The following EPHA6 variants were observed in gnomAD, a reference collection of about 807,000 sequenced individuals.
The protein encoded by EPHA6 is ephrin type-A receptor 6.
EPHA6 carries 50 observed loss-of-function variants against 112.0 expected under a neutral mutation model. The ratio of observed to expected loss-of-function variants is 0.45; its 90% CI spans 0.36 to 0.56. The LOEUF (loss-of-function observed/expected upper bound fraction) is 0.56. Ranked by LOEUF, EPHA6 falls within the 20% of genes least tolerant of loss-of-function variation. The probability of loss-of-function intolerance (pLI) is 0.00; values close to 1 mark genes in which losing one functional copy is unlikely to be tolerated. For synonymous variants in EPHA6, 529 were observed against 490.7 expected (o/e 1.08, Z -1.03); for missense variants, 1,280 against 1,417.4 (o/e 0.90, Z 1.56).
At chr3:96,933,953 T>C (rs1482172505) in intron 2 of EPHA6, among the ~76,000 whole-genome samples, 1 of 152,036 alleles carries the variant, frequency 6.6e-6, no homozygotes, top group Non-Finnish European at 1.5e-5. Flanking sequence ...TCAATTTTTA[T>C]AACAATTGAT....
At chr3:97,676,007 A>G (rs1477005708) in intron 14 of EPHA6, among the ~76,000 whole-genome samples, 1 of 152,156 alleles carries the variant, frequency 6.6e-6, no homozygotes, top group East Asian at 1.9e-4. Context: ...GGAAGAATGC[A>G]GGGAGGAGCA....
At chr3:97,439,549 GCCAAC>G (rs2090028933) in intron 6 of EPHA6, 9 of 812,948 alleles carry the variant, frequency 1.1e-5, no homozygotes, top group Admixed American at 6.1e-5. Context: ...TCTGTTGGTT[GCCAAC>G]AACAGAACCC....
intron 11 of EPHA6, among the ~76,000 whole-genome samples, chr3:97,574,164 A>G (rs917245506): frequency 6.6e-6 from 1 of 152,138 alleles, no homozygotes; most frequent in African/African-American, 2.4e-5. Context: ...TCTTGGAGAA[A>G]TCTAAATTTT....
rs769181889 is a variant in EPHA6, at chr3:97,187,939, A to T, written c.1115-38325A>T. On this transcript the variant is annotated intron_variant, in intron 3 of 17. Coordinates refer to ENST00000389672, the MANE Select transcript of EPHA6 (RefSeq NM_001080448.3). ...AAATATAAGAGGAATGCAAATTAAA[A>T]CAAGAATGAGACACCATTTGACACA... is the stretch of plus-strand genomic sequence containing the variant. Among the ~76,000 whole-genome samples the T allele has an allele frequency of 1.2e-4, 19 of 152,112 alleles. 1 individual carries two copies. The highest frequency in any genetic ancestry group is 2.2e-4 in the Non-Finnish European group (15 of 67,996).
intron 14 of EPHA6, among the ~76,000 whole-genome samples, chr3:97,701,902 A>T (rs2033416110): frequency 6.6e-6 from 1 of 152,194 alleles, no homozygotes; most frequent in African/African-American, 2.4e-5. Flanking sequence ...TTATAAATTG[A>T]GTGCCAAGTT....
rs148279577 is a variant in EPHA6 at position 96,968,388 on chromosome 3, G to GCACA, written c.451-18917_451-18914dup. On this transcript the variant is annotated intron_variant, in intron 2 of 17. Transcript: ENST00000389672. ...AACTACCATAGAGAAAATGGTAAAA[G>GCACA]CACACACACACACACACACACACAC... Among the ~76,000 whole-genome samples the GCACA allele has an allele frequency of 2.3e-3, 325 of 143,598 alleles. 1 individual carries two copies. The highest frequency in any genetic ancestry group is 0.012 in the South Asian group (52 of 4,416). 94.2% of individuals were successfully genotyped at this position (143,598 alleles called of 152,430 possible).
At chr3:97,643,030 G>A (rs998828508) in intron 14 of EPHA6, among the ~76,000 whole-genome samples, 2 of 152,048 alleles carry the variant, frequency 1.3e-5, no homozygotes, top group African/African-American at 4.8e-5. Context: ...AATGTTAAGG[G>A]CAGCCAGAGA....
chr3:97,213,288 A>G (rs2077931301), intron 3 of EPHA6, among the ~76,000 whole-genome samples: 1 of 152,178 alleles, frequency 6.6e-6, no homozygotes, highest in African/African-American at 2.4e-5. Flanking sequence ...GGACAGAGAG[A>G]AAAAGAAACA....
chr3:97,011,071 A>C (rs2044068959), intron 3 of EPHA6, among the ~76,000 whole-genome samples: 1 of 152,156 alleles, frequency 6.6e-6, no homozygotes, highest in South Asian at 2.1e-4. Flanking sequence ...TGCCACCTGA[A>C]AAGACAAACA....
intron 3 of EPHA6, among the ~76,000 whole-genome samples, chr3:97,029,497 G>A (rs1260854247): frequency 2.6e-5 from 4 of 151,778 alleles, no homozygotes; most frequent in Non-Finnish European, 5.9e-5. Context: ...ACATACTGAA[G>A]CACAAAATAA....
At chr3:97,431,667 TTGG>T (rs2089516423) in intron 6 of EPHA6, among the ~76,000 whole-genome samples, 1 of 152,148 alleles carries the variant, frequency 6.6e-6, no homozygotes, top group Non-Finnish European at 1.5e-5. Flanking sequence ...CCACAACTCC[TTGG>T]TAATTTTCCT....
chr3:96,910,480 A>G (rs781033788), intron 2 of EPHA6, among the ~76,000 whole-genome samples: 2 of 152,038 alleles, frequency 1.3e-5, no homozygotes, highest in Non-Finnish European at 2.9e-5. Context: ...CTCTTGGATC[A>G]AAATTCAAAG....
intron 6 of EPHA6, among the ~76,000 whole-genome samples, chr3:97,407,915 T>A (rs1027543010): frequency 6.6e-6 from 1 of 152,034 alleles, no homozygotes; most frequent in Non-Finnish European, 1.5e-5. Flanking sequence ...GTTTGTTTTG[T>A]GATGCTATAA....
intron 2 of EPHA6, among the ~76,000 whole-genome samples, chr3:96,982,630 G>T (rs1576242918): frequency 1.3e-5 from 2 of 152,228 alleles, no homozygotes; most frequent in South Asian, 2.1e-4. Context: ...CTGTCTCATT[G>T]ATCTGTCTAA....
chr3:97,613,951 C>A (rs2093741734), intron 13 of EPHA6, among the ~76,000 whole-genome samples: 1 of 152,154 alleles, frequency 6.6e-6, no homozygotes, highest in Non-Finnish European at 1.5e-5. Flanking sequence ...ATTTGGATTT[C>A]ATAAATACTT....
chr3:97,052,153 C>T (rs2045702750), intron 3 of EPHA6, among the ~76,000 whole-genome samples: 1 of 152,050 alleles, frequency 6.6e-6, no homozygotes, highest in African/African-American at 2.4e-5. Context: ...GGGATTTGAA[C>T]CCAAGCATTC....
At chr3:97,649,705 C>T (rs1038898077) in intron 14 of EPHA6, among the ~76,000 whole-genome samples, 30 of 151,388 alleles carry the variant, frequency 2.0e-4, no homozygotes, top group African/African-American at 7.0e-4. Flanking sequence ...CTGGATAAAC[C>T]AAATTCATCT....
chr3:97,591,958 A>G (rs954982097), intron 11 of EPHA6, among the ~76,000 whole-genome samples: 1 of 152,166 alleles, frequency 6.6e-6, no homozygotes, highest in Non-Finnish European at 1.5e-5. Flanking sequence ...ATGATTCATT[A>G]TATAATTTTA....
intron 3 of EPHA6, among the ~76,000 whole-genome samples, chr3:97,034,178 C>G (rs1039619455): frequency 6.6e-6 from 1 of 151,872 alleles, no homozygotes; most frequent in Non-Finnish European, 1.5e-5. Context: ...CTTTACTCAA[C>G]TGACATAATC....
Sources: allele counts gnomAD v4.1 joint callset (sites outside exome capture counted in the v4.1 genomes callset), GRCh38; gene constraint gnomAD v4.1.1; transcripts MANE v1.5; gene names NCBI Gene and HGNC (gene_info 2026-07-23, HGNC 2026-07-21).